Variants in TJP1 observed in about 807,000 individuals in gnomAD.
The protein encoded by TJP1 is tight junction protein ZO-1.
In TJP1, 43 loss-of-function variants were observed where a neutral mutation model predicts 194.2. That is an observed-to-expected ratio of 0.22 (90% CI 0.17 to 0.29). The LOEUF (loss-of-function observed/expected upper bound fraction) is 0.29, where lower values mean the gene tolerates loss of function less well. TJP1 is among the 10% of genes least tolerant of loss of function. TJP1 has a pLI of 1.00. For synonymous variants in TJP1, 801 were observed against 779.0 expected (o/e 1.03, Z -0.47); for missense variants, 1,971 against 2,185.7 (o/e 0.90, Z 1.96).
chr15:29,901,127 A>G (rs897687320), intron 2 of TJP1, among the ~76,000 whole-genome samples: 1 of 152,150 alleles, frequency 6.6e-6, no homozygotes, highest in Admixed American at 6.5e-5. Flanking sequence ...ACAGCTGGGA[A>G]AAAGGTGATA....
chr15:29,734,962 A>G (rs910907045), intron 11 of TJP1, among the ~76,000 whole-genome samples: 2 of 152,180 alleles, frequency 1.3e-5, no homozygotes, highest in Non-Finnish European at 2.9e-5. Flanking sequence ...TTTAGATGAA[A>G]AAAGGTAACT....
At position 29,703,401 on chromosome 15, in the gene TJP1, G is replaced by A. The variant is rs891695013; in HGVS notation, c.5212+761C>T. 7.2e-5 allele frequency among the ~76,000 whole-genome samples: 11 copies of A among 151,880 alleles called. No homozygotes were observed. In the South Asian group the frequency reaches 8.3e-4, roughly 11 times the overall value. Reference sequence around the variant, plus strand: ...TGCAGTGAGCTGAGATCGTGCCACCGCATTCCAGCCTGGGCGACAGAGCGA... The same window carrying A: ...TGCAGTGAGCTGAGATCGTGCCACCACATTCCAGCCTGGGCGACAGAGCGA... On this transcript the variant is annotated intron_variant, in intron 27 of 27. Transcript: ENST00000614355.
chr15:29,903,839 A>G (rs926683928), intron 2 of TJP1, among the ~76,000 whole-genome samples: 2 of 152,246 alleles, frequency 1.3e-5, no homozygotes, highest in African/African-American at 4.8e-5. Flanking sequence ...ATCTAAGTAG[A>G]CCACAGCAAC....
intron 1 of TJP1, among the ~76,000 whole-genome samples, chr15:29,810,990 C>T (rs1157154061): frequency 6.6e-6 from 1 of 151,982 alleles, no homozygotes; most frequent in East Asian, 1.9e-4. Context: ...TCGAAAAACT[C>T]CATGGCTAAA....
At position 29,708,582 on chromosome 15, in the gene TJP1, T is replaced by C. The variant is rs1479333838; in HGVS notation, c.4827A>G (p.Thr1609=). Residue 1609 remains threonine, a synonymous_variant, in exon 25 of 28, where the codon ACA becomes ACG. Transcript: ENST00000614355. ...KPKYQINNIS[T]VPKAIPVSPS... ...ACCTCACAGGAATAGCTTTAGGCAC[T>C]GTGCTGATATTATTTATTTGATATT... The C allele has an allele frequency of 2.5e-6, 4 of 1,611,738 alleles. No individual in the cohort carries two copies. The highest frequency in any genetic ancestry group is 2.7e-5 in the African/African-American group (2 of 74,884).
chr15:29,852,808 G>A (rs2051693301), intron 2 of TJP1, among the ~76,000 whole-genome samples: 1 of 151,990 alleles, frequency 6.6e-6, no homozygotes, highest in African/African-American at 2.4e-5. Context: ...GGAGGCTGAG[G>A]CAGGAGAATT....
rs555858317 is a variant in TJP1, at chr15:29,961,765, C to T, written c.174-5401G>A. Among the ~76,000 whole-genome samples the T allele has an allele frequency of 1.9e-4, 29 of 152,288 alleles. No individual in the cohort carries two copies. In the South Asian group the frequency reaches 5.6e-3, roughly 29 times the overall value. On this transcript the variant is annotated intron_variant, in intron 1 of 28. Coordinates refer to the TJP1 transcript ENST00000356107. ...ACTGCTAGAACAGGTCTGGTCTGCA[C>T]TGCAGCCTCCACCATCATAGCTCCC...
rs1567119692 is a variant in TJP1 at position 29,836,460 on chromosome 15, A to AT, written c.307-35759_307-35758insA. On this transcript the variant is annotated intron_variant, in intron 2 of 28. Coordinates refer to the TJP1 transcript ENST00000356107. ...GCTAATTTTTTGTATTTTAGTAGAG[A>AT]CGGGGTTTCACCGTGTTGGCCAGGA... 7.3e-4 allele frequency among the ~76,000 whole-genome samples: 110 copies of AT among 151,680 alleles called. 1 individual carries two copies. Among genetic ancestry groups the AT allele is most frequent in the African/African-American group, 2.5e-3 (102 of 41,330 alleles).
rs539803166 is a variant in TJP1 at position 29,759,934 on chromosome 15, A to G, written c.1010+1205T>C. On this transcript the variant is annotated intron_variant, in intron 8 of 27. Transcript: ENST00000614355. ...TGCTGCAACAAACATGAGAGTGCAG[A>G]TATCTCTTCGAGACAGTGATTTCAT... 1.1e-4 allele frequency: 45 copies of G among 397,872 alleles called. No individual in the cohort carries two copies. In the East Asian group the frequency reaches 1.4e-3, roughly 13 times the overall value. 24.6% of individuals were successfully genotyped at this position (397,872 alleles called of 1,614,324 possible).
intron 2 of TJP1, among the ~76,000 whole-genome samples, chr15:29,920,589 G>A (rs114235147): frequency 6.6e-6 from 1 of 152,128 alleles, no homozygotes. Context: ...TCTCCTTTCC[G>A]TTACCTATCT....
chr15:29,865,139 A>G (rs1368129721), intron 2 of TJP1, among the ~76,000 whole-genome samples: 3 of 152,208 alleles, frequency 2.0e-5, no homozygotes, highest in Non-Finnish European at 1.5e-5. Flanking sequence ...CAGGACCAGG[A>G]AACTATTCAA....
chr15:29,818,476 G>T (rs538319031), intron 1 of TJP1, among the ~76,000 whole-genome samples: 1 of 152,152 alleles, frequency 6.6e-6, no homozygotes, highest in African/African-American at 2.4e-5. Context: ...GAACGCAGAC[G>T]TTTATCACAC....
At chr15:29,944,615 A>G (rs2055210817) in intron 2 of TJP1, among the ~76,000 whole-genome samples, 1 of 152,250 alleles carries the variant, frequency 6.6e-6, no homozygotes, top group African/African-American at 2.4e-5. Flanking sequence ...AAAGTACACG[A>G]AACAGCTAAT....
intron 15 of TJP1, chr15:29,730,609 G>A (rs1194738660): frequency 2.6e-5 from 14 of 531,112 alleles, no homozygotes; most frequent in Admixed American, 5.2e-5. Flanking sequence ...AAAAAAAAAA[G>A]AGGAGCAGTG....
At chr15:29,785,672 T>A (rs79207238) in intron 2 of TJP1, among the ~76,000 whole-genome samples, 1,925 of 152,356 alleles carry the variant, frequency 0.013, 44 homozygotes, top group African/African-American at 0.045. Flanking sequence ...CCGCTAATTA[T>A]AACTTTCCTC....
intron 10 of TJP1, 70 bp downstream of exon 10, chr15:29,741,261 A>G (rs1343645960): frequency 8.6e-7 from 1 of 1,162,906 alleles, no homozygotes; most frequent in Non-Finnish European, 1.2e-6. Flanking sequence ...TATGGTTTAC[A>G]ATTAAATTCC....
intron 20 of TJP1, 29 bp downstream of exon 20, chr15:29,719,748 A>T: frequency 6.3e-7 from 1 of 1,589,734 alleles, no homozygotes; most frequent in Non-Finnish European, 8.6e-7. Context: ...GGACAGCAAC[A>T]AATTAGTGCA....
chr15:29,882,220 G>GC (rs2052960797), intron 2 of TJP1, among the ~76,000 whole-genome samples: 1 of 152,062 alleles, frequency 6.6e-6, no homozygotes, highest in Non-Finnish European at 1.5e-5. Flanking sequence ...TACCCCACTA[G>GC]CAAGGACCTG....
intron 1 of TJP1, among the ~76,000 whole-genome samples, chr15:29,821,243 G>T (rs1046630334): frequency 1.3e-5 from 2 of 152,104 alleles, no homozygotes; most frequent in African/African-American, 4.8e-5. Flanking sequence ...ATATTTCAGA[G>T]CACATAGGAA....
Sources: allele counts gnomAD v4.1 joint callset (sites outside exome capture counted in the v4.1 genomes callset), GRCh38; gene constraint gnomAD v4.1.1; transcripts MANE v1.5; gene names NCBI Gene and HGNC (gene_info 2026-07-23, HGNC 2026-07-21).